ERI3: variants seen among roughly 807,000 people sequenced by gnomAD.
ERI3 encodes the protein ERI1 exoribonuclease 3.
In ERI3, 18 loss-of-function variants were observed where a neutral mutation model predicts 44.4. The ratio of observed to expected loss-of-function variants is 0.41; its 90% confidence interval spans 0.28 to 0.60. The LOEUF is 0.60. ERI3 is among the 20% of genes least tolerant of loss of function. The pLI, the probability that ERI3 is intolerant of heterozygous loss-of-function variation, is 0.36. For missense variants in ERI3, 294 were observed against 435.5 expected, an observed-to-expected ratio of 0.68 and a Z score of 2.89; for synonymous variants, 183 against 164.8, an observed-to-expected ratio of 1.11 and a Z score of -0.84.
At chr1:44,330,676 C>T (rs1040734125) in intron 3 of ERI3, among the ~76,000 whole-genome samples, 22 of 152,302 alleles carry the variant, frequency 1.4e-4, no homozygotes, top group Non-Finnish European at 1.2e-4. Flanking sequence ...AATGTGGGTA[C>T]ACTCTTGTTT....
intron 6 of ERI3, among the ~76,000 whole-genome samples, chr1:44,303,481 G>GCCTTGT (rs751990842): frequency 1.3e-5 from 2 of 152,196 alleles, no homozygotes; most frequent in Non-Finnish European, 2.9e-5. Flanking sequence ...TATGTGTCAA[G>GCCTTGT]CCTTGTCCTT....
intron 3 of ERI3, among the ~76,000 whole-genome samples, chr1:44,328,990 G>C (rs1252853229): frequency 6.6e-6 from 1 of 152,162 alleles, no homozygotes; most frequent in East Asian, 1.9e-4. Flanking sequence ...CTCTGTCAGG[G>C]AGCTAGCAAA....
chr1:44,311,061 G>C (rs1157903271), intron 5 of ERI3, among the ~76,000 whole-genome samples: 1 of 150,830 alleles, frequency 6.6e-6, no homozygotes, highest in Non-Finnish European at 1.5e-5. Flanking sequence ...CCTAAGAAAA[G>C]AGGTAAGGTG....
At chr1:44,296,715 C>T (rs896938791) in intron 6 of ERI3, among the ~76,000 whole-genome samples, 1 of 152,188 alleles carries the variant, frequency 6.6e-6, no homozygotes, top group East Asian at 1.9e-4. Context: ...TCCTGGCTCT[C>T]ATCACTACCT....
intron 3 of ERI3, among the ~76,000 whole-genome samples, chr1:44,329,702 C>T (rs970016074): frequency 6.6e-6 from 1 of 152,176 alleles, no homozygotes; most frequent in Non-Finnish European, 1.5e-5. Flanking sequence ...AACAATGCAT[C>T]AAATAGGTCC....
chr1:44,261,159 C>A (rs1644885263), intron 7 of ERI3, among the ~76,000 whole-genome samples: 1 of 152,244 alleles, frequency 6.6e-6, no homozygotes, highest in African/African-American at 2.4e-5. Flanking sequence ...GCAATGATGT[C>A]TCCAAGTGTG....
At chr1:44,342,535 TACACAC>T (rs139623145) in intron 2 of ERI3, among the ~76,000 whole-genome samples, 9 of 150,978 alleles carry the variant, frequency 6.0e-5, no homozygotes, top group African/African-American at 2.2e-4. Flanking sequence ...GATAGATGGA[TACACAC>T]ACACACACAA....
At chr1:44,250,136 G>A (rs1644644895) in intron 7 of ERI3, among the ~76,000 whole-genome samples, 1 of 152,142 alleles carries the variant, frequency 6.6e-6, no homozygotes, top group Admixed American at 6.5e-5. Context: ...ATAGATTCTC[G>A]GCTGACACTC....
intron 8 of ERI3, among the ~76,000 whole-genome samples, chr1:44,229,747 C>T (rs1452005583): frequency 2.3e-5 from 3 of 128,460 alleles, no homozygotes; most frequent in South Asian, 2.8e-4. Flanking sequence ...GAAGCGGGAG[C>T]GGAGTTCTCA....
At chr1:44,299,699 G>A (rs1332471479) in intron 6 of ERI3, among the ~76,000 whole-genome samples, 1 of 152,152 alleles carries the variant, frequency 6.6e-6, no homozygotes, top group South Asian at 2.1e-4. Context: ...GGTGAGAAAT[G>A]TTCAAAATAC....
intron 6 of ERI3, among the ~76,000 whole-genome samples, chr1:44,301,661 C>A (rs1645728732): frequency 6.6e-6 from 1 of 152,196 alleles, no homozygotes; most frequent in African/African-American, 2.4e-5. Context: ...CTATGCTGAA[C>A]CCCACCTCCA....
chr1:44,289,281 C>G (rs1184973693), intron 6 of ERI3, among the ~76,000 whole-genome samples: 1 of 152,150 alleles, frequency 6.6e-6, no homozygotes, highest in Non-Finnish European at 1.5e-5. Context: ...CCTGTGGGCT[C>G]TAAACCAAGG....
In ERI3 at chr1:44,340,398, G is replaced by GT. The variant is rs535868068; in HGVS notation, c.212-1077dup. Among the ~76,000 whole-genome samples the GT allele has an allele frequency of 1.7e-3, 255 of 152,272 alleles. 1 individual carries two copies. The highest frequency in any genetic ancestry group is 5.9e-3 in the African/African-American group (245 of 41,552). ...ATAAGAAATCTCACTGTACAATACAGTAATGGCCATAGTTTGTGCTTTCCG... is the reference window on the plus strand; with the variant it reads ...ATAAGAAATCTCACTGTACAATACAGTTAATGGCCATAGTTTGTGCTTTCCG... On this transcript the variant is annotated intron_variant, in intron 2 of 8. Transcript: ENST00000372257.
intron 4 of ERI3, among the ~76,000 whole-genome samples, chr1:44,317,281 G>A (rs908557320): frequency 1.3e-5 from 2 of 152,130 alleles, no homozygotes; most frequent in African/African-American, 4.8e-5. Context: ...GATTTTCTCT[G>A]GTTGGAATGA....
chr1:44,300,704 C>A (rs1191712088), intron 6 of ERI3, among the ~76,000 whole-genome samples: 5 of 152,218 alleles, frequency 3.3e-5, no homozygotes. Flanking sequence ...TCAGGAGCCC[C>A]TTTAGTGCCA....
At chr1:44,259,064 TA>T (rs1553185404) in intron 7 of ERI3, among the ~76,000 whole-genome samples, 1 of 152,130 alleles carries the variant, frequency 6.6e-6, no homozygotes, top group Non-Finnish European at 1.5e-5. Context: ...GAGAGCCTAT[TA>T]CATGCCAGGC....
At chr1:44,260,961 T>A (rs555636330) in intron 7 of ERI3, among the ~76,000 whole-genome samples, 1 of 152,220 alleles carries the variant, frequency 6.6e-6, no homozygotes, top group South Asian at 2.1e-4. Flanking sequence ...CGTATTTACA[T>A]AGGGTCTGGT....
chr1:44,241,713 C>G lies in ERI3; in HGVS notation c.931+6226G>C, dbSNP rs1016940666. On this transcript the variant is annotated intron_variant, in intron 8 of 8. Transcript: ENST00000372257. The surrounding 1 kb of genome is among the most constrained non-coding windows in gnomAD (Gnocchi z 5.6). ...GTCTGCGATGGTTTGACAGGAGATACAGAGAGAGACAAGGGGAGGCGAGGC... is the reference window on the plus strand; with the variant it reads ...GTCTGCGATGGTTTGACAGGAGATAGAGAGAGAGACAAGGGGAGGCGAGGC... Among the ~76,000 whole-genome samples, 5 of 152,090 alleles carry G rather than the reference C, an allele frequency of 3.3e-5. No individual in the cohort carries two copies. Among genetic ancestry groups the G allele is most frequent in the East Asian group, 1.9e-4 (1 of 5,172 alleles).
intron 7 of ERI3, among the ~76,000 whole-genome samples, chr1:44,272,454 C>T (rs1037092059): frequency 2.0e-5 from 3 of 152,176 alleles, no homozygotes; most frequent in South Asian, 2.1e-4. Flanking sequence ...CAGGACTCAG[C>T]GTATATACCA....
Sources: gnomAD v4.1 joint callset for allele counts (sites outside exome capture counted in the v4.1 genomes callset) on GRCh38, gnomAD v4.1.1 for gene constraint, Gnocchi (gnomAD v3.1) non-coding constraint, MANE v1.5 for transcripts, NCBI Gene and HGNC (gene_info 2026-07-23, HGNC 2026-07-21) for gene names.